The following ELK4 variants were observed in gnomAD, a reference collection of about 807,000 sequenced individuals.
ELK4 encodes the protein ETS domain-containing protein Elk-4.
Under a neutral mutation model 29.6 loss-of-function variants are expected in ELK4, and 16 were observed. The observed-to-expected ratio is 0.54, with a 90% CI of 0.37 to 0.82. The LOEUF is 0.82. ELK4 is among the 40% of genes least tolerant of loss of function. The probability of loss-of-function intolerance (pLI) is 0.00; values close to 1 mark genes in which losing one functional copy is unlikely to be tolerated. For missense variants in ELK4, 465 were observed against 507.1 expected, an observed-to-expected ratio of 0.92 and a Z score of 0.80; for synonymous variants, 213 against 191.1, an observed-to-expected ratio of 1.11 and a Z score of -0.95.
At position 205,620,248 on chromosome 1, in the gene ELK4, T is replaced by C. The variant is rs749625602; in HGVS notation, c.798A>G (p.Arg266=). 5.4e-5 allele frequency: 87 copies of C among 1,614,060 alleles called. No individual in the cohort carries two copies. The change falls in exon 3 of 5, where the codon AGA becomes AGG. Residue 266 remains arginine (R), a synonymous_variant. Transcript: ENST00000357992. ...GAGAACTCAGTGGTGGTGAAGGTGT[T>C]CTGGGAGGTTCCTGCAAAGGGGGTA... ...SSIPPLQEPP[R]TPSPPLSSHP...
intron 4 of ELK4, 30 bp from the exon 5 acceptor site, chr1:205,616,674 C>A (rs373173446): frequency 4.4e-6 from 7 of 1,591,636 alleles, no homozygotes; most frequent in Non-Finnish European, 6.0e-6. Flanking sequence ...ACATTATCAT[C>A]CTATTACTCA....
At chr1:205,622,646 A>T (rs145313358) in intron 2 of ELK4, among the ~76,000 whole-genome samples, 2 of 152,288 alleles carry the variant, frequency 1.3e-5, no homozygotes, top group African/African-American at 4.8e-5. Flanking sequence ...AGCCTCCCAA[A>T]GTGCTGGCAT....
At position 205,627,329 on chromosome 1, in the gene ELK4, G is replaced by A. The variant is rs144178590; in HGVS notation, c.-9-3438C>T. ...TCGAGACCATCCTGTCTAACACAGT[G>A]AAACCCCGTCTCCACTAAAAATACA... On this transcript the variant is annotated intron_variant, in intron 1 of 4. Transcript: ENST00000357992. Among the ~76,000 whole-genome samples the A allele has an allele frequency of 1.6e-3, 245 of 152,174 alleles. 1 individual carries two copies. The highest frequency in any genetic ancestry group is 1.3e-3 in the Non-Finnish European group (89 of 68,024).
chr1:205,615,013 A>G lies in ELK4; in HGVS notation c.*1533T>C, dbSNP rs1670209063. On this transcript the variant is annotated 3_prime_UTR_variant, in exon 5 of 5. Transcript: ENST00000357992. Reference sequence around the variant, plus strand: ...TAATATTTTAAAAATTTGGTAATGTAGAGAATAAGGCCTACATTTTTTACT... The same window carrying G: ...TAATATTTTAAAAATTTGGTAATGTGGAGAATAAGGCCTACATTTTTTACT... 2 of 205,214 alleles carry G rather than the reference A, an allele frequency of 9.7e-6. No homozygotes were observed. The highest frequency in any genetic ancestry group is 1.0e-5 in the Non-Finnish European group (1 of 100,434). 12.7% of individuals were successfully genotyped at this position (205,214 alleles called of 1,614,324 possible).
intron 4 of ELK4, among the ~76,000 whole-genome samples, chr1:205,618,086 T>C (rs1670267400): frequency 6.6e-6 from 1 of 151,956 alleles, no homozygotes. Context: ...AGTGCAGCGG[T>C]GCCATTATAG....
intron 2 of ELK4, among the ~76,000 whole-genome samples, chr1:205,621,078 C>G (rs754455012): frequency 6.6e-6 from 1 of 151,520 alleles, no homozygotes; most frequent in African/African-American, 2.4e-5. Flanking sequence ...GCCTGTAGTC[C>G]CAGCTACTCA....
chr1:205,619,140 C>T (rs906677198), intron 3 of ELK4, 67 bp from the exon 4 acceptor site: 7 of 1,336,620 alleles, frequency 5.2e-6, no homozygotes, highest in African/African-American at 1.5e-5. Context: ...TGAAACAGCA[C>T]ACAAATAACC....
At chr1:205,626,945 C>G (rs1467885302) in intron 1 of ELK4, among the ~76,000 whole-genome samples, 1 of 152,172 alleles carries the variant, frequency 6.6e-6, no homozygotes, top group Non-Finnish European at 1.5e-5. Flanking sequence ...GTGGCACATT[C>G]ATAATGGGGT....
At chr1:205,617,724 A>C (rs925279095) in intron 4 of ELK4, among the ~76,000 whole-genome samples, 1 of 152,026 alleles carries the variant, frequency 6.6e-6, no homozygotes, top group African/African-American at 2.4e-5. Flanking sequence ...CAACATGAAG[A>C]AACCTCGTCT....
intron 1 of ELK4, among the ~76,000 whole-genome samples, chr1:205,627,300 A>G (rs1306415348): frequency 2.0e-5 from 3 of 152,072 alleles, no homozygotes; most frequent in South Asian, 2.1e-4. Flanking sequence ...ACAAGGTCAG[A>G]AGATCGAGAC....
Position 205,617,911 on chromosome 1 carries a change from T to A in ELK4, c.1197+1046A>T, listed in dbSNP as rs534544517. Among the ~76,000 whole-genome samples the A allele has an allele frequency of 4.6e-5, 7 of 151,454 alleles. No individual in the cohort carries two copies. The East Asian group carries it at 7.8e-4, about 17-fold the overall frequency. On this transcript the variant is annotated intron_variant, in intron 4 of 4. Transcript: ENST00000357992. ...AGCAAAACTCCGCCTCAAAAAAAAA[T>A]TTTTTTTAATCTTTAATTAAAAGAG...
At chr1:205,624,558 T>C (rs1670416272) in intron 1 of ELK4, among the ~76,000 whole-genome samples, 1 of 152,244 alleles carries the variant, frequency 6.6e-6, no homozygotes, top group Non-Finnish European at 1.5e-5. Flanking sequence ...TCTGCAAAGA[T>C]TCTCCTTTGA....
At chr1:205,630,502 A>C (rs917450505) in intron 1 of ELK4, among the ~76,000 whole-genome samples, 3 of 152,236 alleles carry the variant, frequency 2.0e-5, no homozygotes, top group Admixed American at 6.5e-5. Flanking sequence ...CCTGCTACTT[A>C]AAAAACCAAG....
rs1454634113 is a variant in ELK4 at position 205,631,797 on chromosome 1, TGCCCGCAGCC to T, written c.-185_-176del. ...CGGCGGCCAAGCCGAGCCCGCCGGG[TGCCCGCAGCC>T]GCCCGCATCTCCCGCCGCCGCGGCT... On this transcript the variant is annotated 5_prime_UTR_variant, in exon 1 of 5. An upstream open reading frame in the 5' UTR loses its in-frame stop. Coordinates refer to ENST00000357992, the MANE Select transcript of ELK4 (RefSeq NM_001973.4). The T allele has an allele frequency of 6.0e-6, 1 of 167,090 alleles. No homozygotes were observed. The highest frequency in any genetic ancestry group is 1.2e-5 in the Non-Finnish European group (1 of 80,554). The allele number at this position is 167,090 out of a possible 1,614,324, so 10.4% of individuals were successfully genotyped here. A position where few individuals can be genotyped will look rare whatever the true frequency, so the allele number is the denominator to read the frequency against.
intron 4 of ELK4, among the ~76,000 whole-genome samples, chr1:205,618,597 G>A (rs1670274520): frequency 6.6e-6 from 1 of 152,224 alleles, no homozygotes; most frequent in African/African-American, 2.4e-5. Flanking sequence ...GCCAAGGTGG[G>A]CGGATCACCT....
chr1:205,625,739 C>T lies in ELK4; in HGVS notation c.-9-1848G>A, dbSNP rs1013809403. 1.3e-5 allele frequency: 9 copies of T among 687,292 alleles called. 1 individual carries two copies. The highest frequency in any genetic ancestry group is 2.1e-5 in the Non-Finnish European group (8 of 378,258). 42.6% of individuals were successfully genotyped at this position (687,292 alleles called of 1,614,324 possible). On this transcript the variant is annotated intron_variant, in intron 1 of 4. Transcript: ENST00000357992. Reference sequence around the variant, plus strand: ...TGTCACCCAGGCTGGAGTGCAGTGGCGCAATCTGGGCTCACTGCAACCTCC... The same window carrying T: ...TGTCACCCAGGCTGGAGTGCAGTGGTGCAATCTGGGCTCACTGCAACCTCC...
At chr1:205,617,624 G>A (rs914545402) in intron 4 of ELK4, among the ~76,000 whole-genome samples, 2 of 151,644 alleles carry the variant, frequency 1.3e-5, no homozygotes, top group African/African-American at 2.4e-5. Context: ...TGCTTGGGCC[G>A]CGTGCAGTGG....
Position 205,612,149 on chromosome 1 carries a change from G to A in ELK4, c.*4397C>T, listed in dbSNP as rs547909469. 18 of 200,060 alleles carry A rather than the reference G, an allele frequency of 9.0e-5. No homozygotes were observed. In the East Asian group the frequency reaches 1.3e-3, roughly 14 times the overall value. The allele number at this position is 200,060 out of a possible 1,614,324, so 12.4% of individuals were successfully genotyped here. A position where few individuals can be genotyped will look rare whatever the true frequency, so the allele number is the denominator to read the frequency against. On this transcript the variant is annotated 3_prime_UTR_variant, in exon 5 of 5. Coordinates refer to ENST00000357992, the MANE Select transcript of ELK4 (RefSeq NM_001973.4). ...AAGCTGTGGAAAACATGTGGTAATGGATTATTATTTGGGAATTTATCAAAA... is the reference window on the plus strand; with the variant it reads ...AAGCTGTGGAAAACATGTGGTAATGAATTATTATTTGGGAATTTATCAAAA...
intron 2 of ELK4, among the ~76,000 whole-genome samples, chr1:205,622,371 T>C (rs1645962592): frequency 6.6e-6 from 1 of 152,234 alleles, no homozygotes; most frequent in Admixed American, 6.5e-5. Flanking sequence ...AAAACGTATA[T>C]ATGTAGATAT....
Sources: allele counts gnomAD v4.1 joint callset (sites outside exome capture counted in the v4.1 genomes callset), GRCh38; gene constraint gnomAD v4.1.1; transcripts MANE v1.5; gene names NCBI Gene and HGNC (gene_info 2026-07-23, HGNC 2026-07-21).